The following CLGN variants were observed in gnomAD, a reference collection of about 807,000 sequenced individuals.
The protein encoded by CLGN is calmegin.
Under a neutral mutation model 79.1 loss-of-function variants are expected in CLGN, and 62 were observed. The observed-to-expected ratio is 0.78, with a 90% confidence interval of 0.64 to 0.97. CLGN has a LOEUF of 0.97. CLGN is among the 50% of genes least tolerant of loss of function. CLGN has a pLI of 0.00. For synonymous variants in CLGN, 225 were observed against 224.7 expected (o/e 1.00, Z -0.01); for missense variants, 647 against 715.5 (o/e 0.90, Z 1.09).
chr4:140,407,966 A>G lies in CLGN; in HGVS notation c.277+1871T>C, dbSNP rs1324096046. Among the ~76,000 whole-genome samples the G allele has an allele frequency of 2.0e-5, 3 of 152,054 alleles. No homozygotes were observed. In the East Asian group the frequency reaches 5.8e-4, roughly 29 times the overall value. ...GCCATACTATCAAAACAGCATGGTAATGGTCTCAGGTAGACACATAGACCA... is the reference window on the plus strand; with the variant it reads ...GCCATACTATCAAAACAGCATGGTAGTGGTCTCAGGTAGACACATAGACCA... On this transcript the variant is annotated intron_variant, in intron 4 of 14. Coordinates refer to ENST00000325617, the MANE Select transcript of CLGN (RefSeq NM_004362.3).
At chr4:140,400,034 C>T (rs868328700) in intron 7 of CLGN, among the ~76,000 whole-genome samples, 2 of 152,144 alleles carry the variant, frequency 1.3e-5, no homozygotes, top group East Asian at 1.9e-4. Context: ...ACTGTCACAA[C>T]GTCTAAAATG....
intron 1 of CLGN, among the ~76,000 whole-genome samples, chr4:140,419,560 A>T (rs1578608992): frequency 6.6e-6 from 1 of 152,116 alleles, no homozygotes; most frequent in Admixed American, 6.6e-5. Context: ...AGATACAAAA[A>T]TTTTTTTATC....
chr4:140,409,353 A>G (rs2126627211), intron 4 of CLGN, among the ~76,000 whole-genome samples: 1 of 152,204 alleles, frequency 6.6e-6, no homozygotes, highest in Non-Finnish European at 1.5e-5. Flanking sequence ...CTAAGGTTGA[A>G]GATAATCCTA....
chr4:140,413,406 G>A (rs775108800), intron 1 of CLGN, among the ~76,000 whole-genome samples: 5 of 152,194 alleles, frequency 3.3e-5, no homozygotes, highest in African/African-American at 9.6e-5. Flanking sequence ...TGTGAGCGAC[G>A]CAGAAGACGG....
intron 6 of CLGN, among the ~76,000 whole-genome samples, chr4:140,401,181 ACC>A (rs1728992321): frequency 6.6e-6 from 1 of 152,158 alleles, no homozygotes. Context: ...AATAGTACCT[ACC>A]TTATAAGAGT....
At chr4:140,408,860 C>CATATATAT (rs112593782) in intron 4 of CLGN, among the ~76,000 whole-genome samples, 354 of 138,408 alleles carry the variant, frequency 2.6e-3, no homozygotes, top group African/African-American at 6.9e-3. Flanking sequence ...AGTTGATAAG[C>CATATATAT]ATATATATAT....
At position 140,413,039 on chromosome 4, in the gene CLGN, A is replaced by G. The variant is rs1430875002; in HGVS notation, c.40T>C (p.Phe14Leu). The G allele has an allele frequency of 6.2e-7, 1 of 1,613,282 alleles. No homozygotes were observed. The highest frequency in any genetic ancestry group is 1.7e-5 in the Admixed American group (1 of 59,954). ...ATAAATTCTGCATTAATTGAGATGA[A>G]CAGAAGACCCAAACATAGCCAAAAG... ...QAFWLCLGLLFISINAEFMDD... is the reference protein window; with the variant it reads ...QAFWLCLGLLLISINAEFMDD... Residue 14 changes from phenylalanine (F) to leucine (L), a missense_variant, in exon 2 of 15, where the codon TTC becomes CTC. Coordinates refer to ENST00000325617, the MANE Select transcript of CLGN (RefSeq NM_004362.3).
intron 1 of CLGN, among the ~76,000 whole-genome samples, chr4:140,421,697 C>T (rs551655124): frequency 5.3e-5 from 8 of 152,266 alleles, no homozygotes; most frequent in African/African-American, 1.9e-4. Flanking sequence ...ATTCTGGATA[C>T]TGACCCCTTA....
intron 5 of CLGN, among the ~76,000 whole-genome samples, chr4:140,404,405 G>T (rs1034524807): frequency 2.0e-5 from 3 of 151,952 alleles, no homozygotes. Flanking sequence ...TACTTCCTAC[G>T]TTTTGAGTTA....
At chr4:140,393,451 A>G (rs929620209) in intron 11 of CLGN, among the ~76,000 whole-genome samples, 5 of 152,130 alleles carry the variant, frequency 3.3e-5, no homozygotes, top group African/African-American at 1.2e-4. Flanking sequence ...TTCTTTGTAC[A>G]TTCCTCTAAG....
At chr4:140,410,470 G>C (rs1484191960) in intron 3 of CLGN, 83 bp downstream of exon 3, 7 of 885,574 alleles carry the variant, frequency 7.9e-6, no homozygotes, top group Non-Finnish European at 1.3e-5. Flanking sequence ...ATCTGTAGTA[G>C]AGATAATTTT....
At chr4:140,389,349 A>G (rs758666877) in intron 14 of CLGN, 45 bp from the exon 15 acceptor site, 2 of 1,352,924 alleles carry the variant, frequency 1.5e-6, no homozygotes, top group South Asian at 2.3e-5. Flanking sequence ...TATAACACAT[A>G]ACTAGTAGAT....
chr4:140,413,772 G>T (rs1578604946), intron 1 of CLGN, among the ~76,000 whole-genome samples: 1 of 152,222 alleles, frequency 6.6e-6, no homozygotes, highest in Non-Finnish European at 1.5e-5. Flanking sequence ...CGGCAGCGAG[G>T]CTGGGGGAGG....
Position 140,413,134 on chromosome 4 carries a change from A to G in CLGN, c.-9-47T>C. The G allele has an allele frequency of 4.2e-6, 6 of 1,445,150 alleles. No individual in the cohort carries two copies. The South Asian group carries it at 6.0e-5, about 14-fold the overall frequency. The allele number at this position is 1,445,150 out of a possible 1,614,324, so 89.5% of individuals were successfully genotyped here. A position where few individuals can be genotyped will look rare whatever the true frequency, so the allele number is the denominator to read the frequency against. On this transcript the variant is annotated intron_variant, in intron 1 of 14. Transcript: ENST00000325617. ...GTGAAAATAAAACAAAATTGTGAAAATAAGTGTTAAGTATATGTAGAAATA... is the reference window on the plus strand; with the variant it reads ...GTGAAAATAAAACAAAATTGTGAAAGTAAGTGTTAAGTATATGTAGAAATA...
chr4:140,418,083 G>C (rs1486701130), intron 1 of CLGN, among the ~76,000 whole-genome samples: 1 of 150,836 alleles, frequency 6.6e-6, no homozygotes, highest in African/African-American at 2.4e-5. Context: ...ACAAACCTGA[G>C]AAAAACAAGC....
chr4:140,414,275 C>T (rs56126519), intron 1 of CLGN, among the ~76,000 whole-genome samples: 2,758 of 151,886 alleles, frequency 0.018, 87 homozygotes, highest in African/African-American at 0.063. Flanking sequence ...AAACTGGAAA[C>T]TCTAAAAAGC....
chr4:140,422,840 C>T lies in CLGN; in HGVS notation c.-10+4697G>A, dbSNP rs140086139. Among the ~76,000 whole-genome samples, 516 of 152,164 alleles carry T rather than the reference C, an allele frequency of 3.4e-3. 2 individuals are homozygous for T. Among genetic ancestry groups the T allele is most frequent in the African/African-American group, 0.012 (480 of 41,516 alleles). On this transcript the variant is annotated intron_variant, in intron 1 of 14. Coordinates refer to ENST00000325617, the MANE Select transcript of CLGN (RefSeq NM_004362.3). The stretch of plus-strand genomic sequence containing the variant: ...CCATGTTGCGCAGGCTGGTCTTAAA[C>T]TCCTAGACTCAACTGATCTGGCTAC...
chr4:140,391,236 C>A (rs1014670121), intron 13 of CLGN, among the ~76,000 whole-genome samples: 1 of 151,732 alleles, frequency 6.6e-6, no homozygotes, highest in African/African-American at 2.4e-5. Context: ...CAAGAATGGG[C>A]TTTGGGGAAA....
intron 6 of CLGN, 113 bp downstream of exon 6, chr4:140,401,872 A>G (rs1045103896): frequency 5.7e-5 from 35 of 613,878 alleles, no homozygotes; most frequent in Non-Finnish European, 8.3e-5. Flanking sequence ...GAAAAAAGAT[A>G]TCTACAATTC....
Sources: gnomAD v4.1 joint callset for allele counts (sites outside exome capture counted in the v4.1 genomes callset) on GRCh38, gnomAD v4.1.1 for gene constraint, MANE v1.5 for transcripts, NCBI Gene and HGNC (gene_info 2026-07-23, HGNC 2026-07-21) for gene names.